Variants in HS6ST3 observed in about 807,000 individuals in gnomAD.
The protein encoded by HS6ST3 is heparan sulfate 6-O-sulfotransferase 3, also known as heparan-sulfate 6-O-sulfotransferase 3.
In HS6ST3, 12 loss-of-function variants were observed where a neutral mutation model predicts 36.7. The observed-to-expected ratio is 0.33, with a 90% CI of 0.21 to 0.53. HS6ST3 has a LOEUF of 0.53. Among genes scored for constraint, HS6ST3 ranks in the 20% least tolerant of loss-of-function variants. HS6ST3 has a pLI of 0.95. For synonymous variants in HS6ST3, 240 were observed against 257.5 expected (o/e 0.93, Z 0.65); for missense variants, 584 against 640.9 (o/e 0.91, Z 0.96).
chr13:96,520,466 A>G (rs186213526), intron 1 of HS6ST3, among the ~76,000 whole-genome samples: 32 of 152,304 alleles, frequency 2.1e-4, no homozygotes, highest in Admixed American at 4.6e-4. Context: ...TTTTCATGAT[A>G]TTGATTCTTC....
intron 1 of HS6ST3, among the ~76,000 whole-genome samples, chr13:96,568,604 T>C (rs2056290257): frequency 6.6e-6 from 1 of 152,182 alleles, no homozygotes; most frequent in South Asian, 2.1e-4. Context: ...ATTATTTCAA[T>C]TTCATCACAT....
chr13:96,172,307 C>A (rs1044854951), intron 1 of HS6ST3, among the ~76,000 whole-genome samples: 2 of 152,202 alleles, frequency 1.3e-5, no homozygotes, highest in South Asian at 4.1e-4. Context: ...GTATATCATG[C>A]AGTCCAGTGT....
At chr13:96,607,865 G>T (rs2056444428) in intron 1 of HS6ST3, among the ~76,000 whole-genome samples, 1 of 152,148 alleles carries the variant, frequency 6.6e-6, no homozygotes, top group Non-Finnish European at 1.5e-5. Context: ...TCATCAAAGC[G>T]AGTAACCTCA....
At chr13:96,165,802 G>A (rs1229742742) in intron 1 of HS6ST3, among the ~76,000 whole-genome samples, 2 of 152,142 alleles carry the variant, frequency 1.3e-5, no homozygotes. Context: ...TGTGTCAGTG[G>A]GGTGAAGAAT....
chr13:96,608,769 G>A lies in HS6ST3; in HGVS notation c.708-223721G>A, dbSNP rs145224384. Among the ~76,000 whole-genome samples, 497 of 152,206 alleles carry A rather than the reference G, an allele frequency of 3.3e-3. 3 individuals are homozygous for A. Among genetic ancestry groups the A allele is most frequent in the Admixed American group, 6.1e-3 (93 of 15,280 alleles). Reference sequence around the variant, plus strand: ...TATTTTTAAAACACAATTAAAGTTAGGTATTATAAAAATGAGGAGAATGAT... The same window carrying A: ...TATTTTTAAAACACAATTAAAGTTAAGTATTATAAAAATGAGGAGAATGAT... On this transcript the variant is annotated intron_variant, in intron 1 of 1. Coordinates refer to ENST00000376705, the MANE Select transcript of HS6ST3 (RefSeq NM_153456.4).
At chr13:96,649,051 T>G (rs2139011331) in intron 1 of HS6ST3, among the ~76,000 whole-genome samples, 1 of 152,154 alleles carries the variant, frequency 6.6e-6, no homozygotes, top group East Asian at 1.9e-4. Flanking sequence ...CAAAATGTGA[T>G]GATCTGGACT....
intron 1 of HS6ST3, among the ~76,000 whole-genome samples, chr13:96,226,016 G>A (rs2054478508): frequency 6.6e-6 from 1 of 152,102 alleles, no homozygotes; most frequent in Admixed American, 6.6e-5. Context: ...GGCTTCTGTT[G>A]CCCTCAGTGG....
intron 1 of HS6ST3, among the ~76,000 whole-genome samples, chr13:96,137,142 T>C (rs1383793169): frequency 1.3e-5 from 2 of 151,406 alleles, no homozygotes; most frequent in Non-Finnish European, 2.9e-5. Context: ...CCCCTTTTAA[T>C]TGATTTCTTC....
rs2054198428 is a variant in HS6ST3 at position 96,173,579 on chromosome 13, C to G, written c.707+82010C>G. Among the ~76,000 whole-genome samples the G allele has an allele frequency of 1.3e-5, 2 of 148,366 alleles. 1 individual carries two copies. Among genetic ancestry groups the G allele is most frequent in the South Asian group, 4.3e-4 (2 of 4,630 alleles). ...CATCGAATACTCAAGCAAACATTGC[C>G]TAGTGTAATCAAGTGAAATCATTTC... On this transcript the variant is annotated intron_variant, in intron 1 of 1. Transcript: ENST00000376705.
intron 1 of HS6ST3, among the ~76,000 whole-genome samples, chr13:96,741,099 C>T (rs533957517): frequency 1.3e-5 from 2 of 152,270 alleles, no homozygotes; most frequent in East Asian, 1.9e-4. Context: ...GTCTGGAAAA[C>T]AATTTACTGC....
intron 1 of HS6ST3, among the ~76,000 whole-genome samples, chr13:96,590,311 A>G (rs1433164765): frequency 6.6e-6 from 1 of 152,152 alleles, no homozygotes; most frequent in Non-Finnish European, 1.5e-5. Context: ...CCAACAGTGT[A>G]TGAGGATTCC....
intron 1 of HS6ST3, among the ~76,000 whole-genome samples, chr13:96,662,515 GGTGTGT>G (rs144795600): frequency 0.017 from 2,531 of 147,084 alleles, 30 homozygotes; most frequent in African/African-American, 0.035. Flanking sequence ...GTGTGTATGG[GGTGTGT>G]GTGTGTGTGT....
intron 1 of HS6ST3, among the ~76,000 whole-genome samples, chr13:96,180,994 A>G (rs1277482719): frequency 6.6e-6 from 1 of 152,202 alleles, no homozygotes; most frequent in Non-Finnish European, 1.5e-5. Flanking sequence ...CAACATACTT[A>G]ATTTTTATAA....
intron 1 of HS6ST3, among the ~76,000 whole-genome samples, chr13:96,501,810 G>A (rs898058912): frequency 1.3e-5 from 2 of 152,220 alleles, no homozygotes; most frequent in African/African-American, 2.4e-5. Flanking sequence ...AGTTAAATTT[G>A]TTGGTTGTTT....
intron 1 of HS6ST3, among the ~76,000 whole-genome samples, chr13:96,093,589 T>G (rs1479055049): frequency 6.6e-6 from 1 of 152,168 alleles, no homozygotes; most frequent in Non-Finnish European, 1.5e-5. Context: ...AAAAAAATTT[T>G]TTTTTGGTAG....
intron 1 of HS6ST3, among the ~76,000 whole-genome samples, chr13:96,768,766 T>C (rs767026111): frequency 9.2e-5 from 14 of 152,030 alleles, no homozygotes; most frequent in Admixed American, 1.3e-4. Flanking sequence ...TAAAAGGCCA[T>C]GTTCATGCCG....
chr13:96,445,035 G>A (rs113291933), intron 1 of HS6ST3, among the ~76,000 whole-genome samples: 11 of 152,286 alleles, frequency 7.2e-5, no homozygotes, highest in African/African-American at 2.6e-4. Flanking sequence ...CAAATGTAGT[G>A]AATGACCTCA....
At chr13:96,485,419 T>C (rs1039051067) in intron 1 of HS6ST3, among the ~76,000 whole-genome samples, 1 of 152,122 alleles carries the variant, frequency 6.6e-6, no homozygotes, top group African/African-American at 2.4e-5. Context: ...CAACTGACTA[T>C]TGTATATTAA....
At chr13:96,365,079 A>G (rs955666419) in intron 1 of HS6ST3, among the ~76,000 whole-genome samples, 1 of 152,152 alleles carries the variant, frequency 6.6e-6, no homozygotes, top group Non-Finnish European at 1.5e-5. Flanking sequence ...TTTCCCTCCA[A>G]TGTGACCCAG....
Sources: allele counts gnomAD v4.1 joint callset (sites outside exome capture counted in the v4.1 genomes callset), GRCh38; gene constraint gnomAD v4.1.1; transcripts MANE v1.5; gene names NCBI Gene and HGNC (gene_info 2026-07-23, HGNC 2026-07-21).